TIMP3: variants seen among roughly 807,000 people sequenced by gnomAD.
TIMP3 encodes metalloproteinase inhibitor 3.
TIMP3 carries 11 observed loss-of-function variants against 30.0 expected under a neutral mutation model. The ratio of observed to expected loss-of-function variants is 0.37; its 90% CI spans 0.23 to 0.61. The LOEUF (loss-of-function observed/expected upper bound fraction) is 0.61. Ranked by LOEUF, TIMP3 falls within the 20% of genes least tolerant of loss-of-function variation. The pLI, the probability that TIMP3 is intolerant of heterozygous loss-of-function variation, is 0.70. For missense variants in TIMP3, 181 were observed against 276.8 expected (o/e 0.65, Z 2.45); for synonymous variants, 112 against 111.3 (o/e 1.01, Z -0.04).
intron 1 of TIMP3, among the ~76,000 whole-genome samples, chr22:32,840,653 C>G (rs533420117): frequency 1.2e-3 from 183 of 152,280 alleles, no homozygotes; most frequent in Non-Finnish European, 2.0e-3. Flanking sequence ...CTCCGCCCCC[C>G]ACCCAGATCA....
intron 1 of TIMP3, among the ~76,000 whole-genome samples, chr22:32,845,050 A>C (rs1274944498): frequency 1.3e-5 from 2 of 151,920 alleles, no homozygotes; most frequent in Non-Finnish European, 2.9e-5. Flanking sequence ...TCTTTTGACC[A>C]CCAGATCCCT....
intron 1 of TIMP3, among the ~76,000 whole-genome samples, chr22:32,807,933 A>G (rs2046809484): frequency 6.6e-6 from 1 of 152,212 alleles, no homozygotes; most frequent in South Asian, 2.1e-4. Flanking sequence ...GCTTCTCTCA[A>G]ATAGAAAAAC....
intron 1 of TIMP3, among the ~76,000 whole-genome samples, chr22:32,808,470 G>C (rs1393164465): frequency 6.6e-6 from 1 of 152,216 alleles, no homozygotes; most frequent in Non-Finnish European, 1.5e-5. Flanking sequence ...ATGGGAGCTA[G>C]AAGGCCTGGT....
chr22:32,815,511 C>T lies in TIMP3; in HGVS notation c.121+13389C>T, dbSNP rs61586836. 9.7e-3 allele frequency among the ~76,000 whole-genome samples: 1,474 copies of T among 152,268 alleles called. 32 individuals carry two copies. Among genetic ancestry groups the T allele is most frequent in the African/African-American group, 0.035 (1,436 of 41,540 alleles). On this transcript the variant is annotated intron_variant, in intron 1 of 4. Transcript: ENST00000266085. ...TCTCCTTTAAACTCTCATAACCACT[C>T]ATTGAGGTAGGCACTCCTATTTCTA...
At position 32,837,486 on chromosome 22, in the gene TIMP3, C is replaced by G. The variant is rs1441593939; in HGVS notation, c.122-11966C>G. ...AGATGCCCAGCCAAAACACCCAGGG[C>G]GAAACCACTCCAAGAGGTGAAAGGG... On this transcript the variant is annotated intron_variant, in intron 1 of 4. Coordinates refer to ENST00000266085, the MANE Select transcript of TIMP3 (RefSeq NM_000362.5). The surrounding 1 kb of genome is among the most constrained non-coding windows in gnomAD (Gnocchi z 4.1). 6.6e-6 allele frequency among the ~76,000 whole-genome samples: 1 copy of G among 152,078 alleles called. No homozygotes were observed. The highest frequency in any genetic ancestry group is 2.4e-5 in the African/African-American group (1 of 41,396).
At chr22:32,815,808 C>T (rs1429964388) in intron 1 of TIMP3, among the ~76,000 whole-genome samples, 1 of 152,178 alleles carries the variant, frequency 6.6e-6, no homozygotes, top group Non-Finnish European at 1.5e-5. Context: ...GACCTCCTGA[C>T]TCCAGAGTCC....
At chr22:32,812,951 G>A (rs2046953590) in intron 1 of TIMP3, among the ~76,000 whole-genome samples, 1 of 152,208 alleles carries the variant, frequency 6.6e-6, no homozygotes, top group Admixed American at 6.5e-5. Context: ...CCAGGGTGCA[G>A]TTCTGAACAA....
chr22:32,811,171 TG>T (rs2046906093), intron 1 of TIMP3, among the ~76,000 whole-genome samples: 1 of 151,540 alleles, frequency 6.6e-6, no homozygotes, highest in African/African-American at 2.4e-5. Flanking sequence ...TAATAAAATT[TG>T]GGGGCAGCAG....
intron 1 of TIMP3, among the ~76,000 whole-genome samples, chr22:32,842,630 G>A (rs893683068): frequency 4.6e-5 from 7 of 152,130 alleles, no homozygotes; most frequent in African/African-American, 7.2e-5. Context: ...AAGTACCTTT[G>A]TACATATACA....
At chr22:32,846,470 A>G (rs918904964) in intron 1 of TIMP3, among the ~76,000 whole-genome samples, 1 of 152,254 alleles carries the variant, frequency 6.6e-6, no homozygotes, top group African/African-American at 2.4e-5. Flanking sequence ...GATAATGCTA[A>G]TAACAGTGGT....
intron 1 of TIMP3, among the ~76,000 whole-genome samples, chr22:32,829,855 C>T (rs1336749821): frequency 6.6e-6 from 1 of 152,246 alleles, no homozygotes; most frequent in Non-Finnish European, 1.5e-5. Flanking sequence ...AACTACACCC[C>T]ACCCTTGGGT....
chr22:32,829,125 A>G (rs553541259), intron 1 of TIMP3, among the ~76,000 whole-genome samples: 3 of 152,290 alleles, frequency 2.0e-5, no homozygotes, highest in African/African-American at 7.2e-5. Flanking sequence ...GCAGAGATGA[A>G]AGAGGAACTG....
intron 1 of TIMP3, among the ~76,000 whole-genome samples, chr22:32,820,275 T>A (rs964365337): frequency 6.6e-6 from 1 of 150,698 alleles, no homozygotes; most frequent in African/African-American, 2.5e-5. Context: ...TGCGCGTGTG[T>A]GTGTGTGTGT....
At chr22:32,821,307 A>C (rs2047240436) in intron 1 of TIMP3, among the ~76,000 whole-genome samples, 1 of 152,206 alleles carries the variant, frequency 6.6e-6, no homozygotes, top group Non-Finnish European at 1.5e-5. Context: ...AGGGACTTTC[A>C]GTAAAGGCTG....
chr22:32,833,008 C>T (rs923139633), intron 1 of TIMP3, among the ~76,000 whole-genome samples: 6 of 152,112 alleles, frequency 3.9e-5, no homozygotes, highest in African/African-American at 1.2e-4. Context: ...CCTGGGATTA[C>T]AGGCGTGAGC....
intron 1 of TIMP3, among the ~76,000 whole-genome samples, chr22:32,834,323 A>AT (rs5845042): frequency 0.58 from 83,668 of 143,338 alleles, 23,730 homozygotes; most frequent in African/African-American, 0.7. Flanking sequence ...TGGCTAATTT[A>AT]TTTTTTTTTT....
At chr22:32,828,820 C>T (rs1037712676) in intron 1 of TIMP3, among the ~76,000 whole-genome samples, 5 of 152,102 alleles carry the variant, frequency 3.3e-5, no homozygotes, top group South Asian at 2.1e-4. Context: ...CTGGAGCCAG[C>T]GGTGGGGAGG....
intron 1 of TIMP3, among the ~76,000 whole-genome samples, chr22:32,820,987 C>T (rs951485149): frequency 2.0e-5 from 3 of 152,024 alleles, no homozygotes; most frequent in South Asian, 2.1e-4. Flanking sequence ...ATGACCAATC[C>T]GAGAAACCCA....
intron 1 of TIMP3, among the ~76,000 whole-genome samples, chr22:32,808,047 T>C (rs1239730704): frequency 6.6e-6 from 1 of 152,134 alleles, no homozygotes; most frequent in Non-Finnish European, 1.5e-5. Context: ...ATGGGAGTAT[T>C]TTCATAGGGA....
Sources: allele counts gnomAD v4.1 joint callset (sites outside exome capture counted in the v4.1 genomes callset), GRCh38; gene constraint gnomAD v4.1.1; non-coding constraint Gnocchi (gnomAD v3.1); transcripts MANE v1.5; gene names NCBI Gene and HGNC (gene_info 2026-07-23, HGNC 2026-07-21).